Variants in KIAA1217 observed in about 807,000 individuals in gnomAD.
The protein encoded by KIAA1217 is KIAA1217.
A neutral mutation model predicts 163.9 loss-of-function variants in KIAA1217; 88 were observed. The ratio of observed to expected loss-of-function variants is 0.54; its 90% CI spans 0.45 to 0.64. KIAA1217 has a LOEUF of 0.64. Ranked by LOEUF, KIAA1217 falls within the 30% of genes least tolerant of loss-of-function variation. The pLI is 0.00. For synonymous variants in KIAA1217, 903 were observed against 923.1 expected (o/e 0.98, Z 0.39); for missense variants, 2,372 against 2,475.0 (o/e 0.96, Z 0.88).
intron 10 of KIAA1217, among the ~76,000 whole-genome samples, chr10:24,519,414 C>T (rs982438097): frequency 1.3e-5 from 2 of 152,180 alleles, no homozygotes. Context: ...CATTTCTTCT[C>T]TTGGTAGCTT....
chr10:23,836,645 C>T (rs937377999), intron 1 of KIAA1217, among the ~76,000 whole-genome samples: 3 of 151,642 alleles, frequency 2.0e-5, no homozygotes, highest in Non-Finnish European at 2.9e-5. Flanking sequence ...ACATTTTAGG[C>T]CAGGCTCAGT....
At chr10:24,092,707 A>T (rs2061980242) in intron 2 of KIAA1217, among the ~76,000 whole-genome samples, 1 of 151,766 alleles carries the variant, frequency 6.6e-6, no homozygotes, top group African/African-American at 2.4e-5. Context: ...AAAAACAAAA[A>T]CCTAGGAATG....
chr10:24,537,751 C>T (rs61854202), intron 17 of KIAA1217, among the ~76,000 whole-genome samples: 7,407 of 152,122 alleles, frequency 0.049, 265 homozygotes, highest in Middle Eastern at 0.099. Context: ...TAAAGTGTAC[C>T]TTCCAAGATA....
chr10:24,025,952 T>A (rs1456923738), intron 2 of KIAA1217, among the ~76,000 whole-genome samples: 1 of 151,872 alleles, frequency 6.6e-6, no homozygotes, highest in Admixed American at 6.6e-5. Flanking sequence ...TATTTATAAA[T>A]GACAATAGTT....
chr10:23,759,536 C>T (rs1027629603), intron 1 of KIAA1217, among the ~76,000 whole-genome samples: 2 of 152,156 alleles, frequency 1.3e-5, no homozygotes, highest in African/African-American at 4.8e-5. Flanking sequence ...ATGATGATTA[C>T]TGCAGGTTTT....
At chr10:23,866,749 C>T (rs946056018) in intron 1 of KIAA1217, among the ~76,000 whole-genome samples, 3 of 152,012 alleles carry the variant, frequency 2.0e-5, no homozygotes, top group Non-Finnish European at 4.4e-5. Flanking sequence ...GACCCAGAAG[C>T]CCTCATGTCA....
intron 1 of KIAA1217, among the ~76,000 whole-genome samples, chr10:23,814,609 A>T (rs1319556277): frequency 6.6e-6 from 1 of 152,168 alleles, no homozygotes; most frequent in Non-Finnish European, 1.5e-5. Context: ...GAAACGTTTC[A>T]GTTTTCTGTA....
intron 2 of KIAA1217, among the ~76,000 whole-genome samples, chr10:24,131,841 T>G (rs2131809140): frequency 6.6e-6 from 1 of 152,276 alleles, no homozygotes; most frequent in African/African-American, 2.4e-5. Flanking sequence ...TAATAAAAAG[T>G]TCCTCGAAGA....
intron 2 of KIAA1217, among the ~76,000 whole-genome samples, chr10:24,303,559 AG>A (rs1456882982): frequency 6.6e-6 from 1 of 152,232 alleles, no homozygotes; most frequent in Non-Finnish European, 1.5e-5. Flanking sequence ...AAGAATGATT[AG>A]AAACAAGGTT....
chr10:24,073,023 C>A lies in KIAA1217; in HGVS notation c.-171+65649C>A, dbSNP rs187244070. ...TAGTGAGCCCAAGATCACGCCACTG[C>A]ACTCCAGCCTGGGAAACAGAATGAG... On this transcript the variant is annotated intron_variant, in intron 2 of 18. Coordinates refer to the KIAA1217 transcript ENST00000376462. Among the ~76,000 whole-genome samples the A allele has an allele frequency of 1.5e-3, 223 of 149,982 alleles. 4 individuals carry two copies. The highest frequency in any genetic ancestry group is 6.1e-4 in the Non-Finnish European group (41 of 67,678).
chr10:23,740,354 G>A (rs1363224353), intron 1 of KIAA1217, among the ~76,000 whole-genome samples: 1 of 152,068 alleles, frequency 6.6e-6, no homozygotes, highest in African/African-American at 2.4e-5. Flanking sequence ...TGTCATGTAA[G>A]CACGTATTAG....
At chr10:24,201,681 C>T (rs1166922627) in intron 2 of KIAA1217, among the ~76,000 whole-genome samples, 12 of 152,162 alleles carry the variant, frequency 7.9e-5, no homozygotes, top group Non-Finnish European at 1.2e-4. Context: ...AGTCCCCACC[C>T]TGCCCTACCC....
chr10:24,219,245 C>T (rs1388492944), intron 1 of KIAA1217, among the ~76,000 whole-genome samples: 3 of 152,130 alleles, frequency 2.0e-5, no homozygotes, highest in Non-Finnish European at 4.4e-5. Flanking sequence ...TCCCGAGAAG[C>T]TGGGACCACA....
At chr10:24,265,876 G>C (rs2076185063) in intron 2 of KIAA1217, among the ~76,000 whole-genome samples, 2 of 152,062 alleles carry the variant, frequency 1.3e-5, no homozygotes, top group South Asian at 2.1e-4. Flanking sequence ...ATAGTGTAGA[G>C]GTGGGATGAG....
chr10:24,297,951 G>A (rs769894687), intron 2 of KIAA1217, among the ~76,000 whole-genome samples: 33 of 151,602 alleles, frequency 2.2e-4, no homozygotes, highest in Non-Finnish European at 4.3e-4. Flanking sequence ...GCATAGGATA[G>A]TCTCATACTG....
At chr10:24,034,018 G>A (rs1848293289) in intron 2 of KIAA1217, among the ~76,000 whole-genome samples, 1 of 152,214 alleles carries the variant, frequency 6.6e-6, no homozygotes, top group African/African-American at 2.4e-5. Flanking sequence ...ACTGGATTAA[G>A]CCAGGATGAA....
chr10:24,398,588 A>G (rs2056135289), intron 3 of KIAA1217, among the ~76,000 whole-genome samples: 1 of 152,180 alleles, frequency 6.6e-6, no homozygotes, highest in Admixed American at 6.5e-5. Flanking sequence ...CACTTGGAAG[A>G]GACCCAAGCA....
intron 14 of KIAA1217, among the ~76,000 whole-genome samples, chr10:24,529,124 C>G (rs1422946836): frequency 1.3e-5 from 2 of 152,160 alleles, no homozygotes; most frequent in Non-Finnish European, 2.9e-5. Flanking sequence ...GAATCCCCAT[C>G]TTGACTTGCA....
intron 2 of KIAA1217, among the ~76,000 whole-genome samples, chr10:24,092,427 T>G (rs1448037758): frequency 1.3e-5 from 2 of 151,764 alleles, no homozygotes; most frequent in East Asian, 3.9e-4. Context: ...AAAAATAACC[T>G]AATGTTCAAA....
Sources: allele counts gnomAD v4.1 joint callset (sites outside exome capture counted in the v4.1 genomes callset), GRCh38; gene constraint gnomAD v4.1.1; transcripts MANE v1.5; gene names NCBI Gene and HGNC (gene_info 2026-07-23, HGNC 2026-07-21).